Variants in NBEAL1 observed in about 807,000 individuals in gnomAD.
NBEAL1 encodes the protein neurobeachin like 1.
NBEAL1 carries 273 observed loss-of-function variants against 351.3 expected under a neutral mutation model. That is an observed-to-expected ratio of 0.78 (90% CI 0.70 to 0.86). The LOEUF (loss-of-function observed/expected upper bound fraction) is 0.86. NBEAL1 is among the 40% of genes least tolerant of loss of function. The probability of loss-of-function intolerance (pLI) is 0.00; values close to 1 mark genes in which losing one functional copy is unlikely to be tolerated. For missense variants in NBEAL1, 2,961 were observed against 3,201.3 expected (o/e 0.92, Z 1.81); for synonymous variants, 1,050 against 1,086.4 (o/e 0.97, Z 0.66).
At chr2:203,128,040 A>G in intron 24 of NBEAL1, 103 bp downstream of exon 24, 1 of 866,742 alleles carries the variant, frequency 1.2e-6, no homozygotes, top group East Asian at 2.8e-5. Context: ...TGAGAGTAAA[A>G]TATGTGTAGT....
intron 10 of NBEAL1, among the ~76,000 whole-genome samples, chr2:203,093,230 TAAAAAAAAAAAA>T (rs139917037): frequency 2.0e-5 from 1 of 49,856 alleles, no homozygotes; most frequent in East Asian, 7.7e-4. Context: ...AGACTCTGTC[TAAAAAAAAAAAA>T]AAAAAAAAAA....
At chr2:203,032,131 G>A (rs1015127487) in intron 2 of NBEAL1, among the ~76,000 whole-genome samples, 4 of 152,288 alleles carry the variant, frequency 2.6e-5, no homozygotes, top group African/African-American at 9.6e-5. Flanking sequence ...TACCATATGA[G>A]TGAGCTTTTA....
At chr2:203,161,118 G>A (rs779477786) in intron 36 of NBEAL1, among the ~76,000 whole-genome samples, 1 of 152,104 alleles carries the variant, frequency 6.6e-6, no homozygotes, top group Non-Finnish European at 1.5e-5. Context: ...ACGAGGTCAA[G>A]AGATTGATAT....
intron 42 of NBEAL1, among the ~76,000 whole-genome samples, chr2:203,176,168 C>A (rs1380400224): frequency 7.0e-6 from 1 of 142,130 alleles, no homozygotes; most frequent in East Asian, 2.2e-4. Flanking sequence ...TACTTTATTG[C>A]ATCTTTTTTT....
intron 35 of NBEAL1, among the ~76,000 whole-genome samples, chr2:203,157,202 A>T (rs1279304421): frequency 2.6e-5 from 4 of 152,148 alleles, no homozygotes; most frequent in Admixed American, 1.3e-4. Flanking sequence ...TATTGCATAT[A>T]ATTGCCTCGG....
intron 8 of NBEAL1, among the ~76,000 whole-genome samples, chr2:203,080,724 T>G (rs1025786743): frequency 2.6e-5 from 4 of 152,144 alleles, no homozygotes; most frequent in Non-Finnish European, 2.9e-5. Context: ...AAGAGTCTCC[T>G]TGTAGTGAGA....
intron 3 of NBEAL1, among the ~76,000 whole-genome samples, chr2:203,044,755 A>G (rs1016156831): frequency 2.6e-5 from 4 of 152,244 alleles, no homozygotes; most frequent in African/African-American, 9.6e-5. Flanking sequence ...CTTGAAGATA[A>G]GGGACATATG....
rs1175263143 is a variant in NBEAL1 at position 203,191,451 on chromosome 2, G to A, written c.6921+1062G>A. 4 of 481,818 alleles carry A rather than the reference G, an allele frequency of 8.3e-6. No homozygotes were observed. In the East Asian group the frequency reaches 1.0e-4, roughly 12 times the overall value. The allele number at this position is 481,818 out of a possible 1,614,324, so 29.8% of individuals were successfully genotyped here. On this transcript the variant is annotated intron_variant, in intron 46 of 55. Coordinates refer to ENST00000683969, the MANE Select transcript of NBEAL1 (RefSeq NM_001378026.1). ...ATCATTATCTTCCTGATGACACACA[G>A]GTTTAGATTAATGGAAATTAATCTA... is the stretch of plus-strand genomic sequence containing the variant.
intron 54 of NBEAL1, among the ~76,000 whole-genome samples, chr2:203,212,985 TTATTTC>T (rs2065828149): frequency 6.6e-6 from 1 of 152,180 alleles, no homozygotes; most frequent in South Asian, 2.1e-4. Flanking sequence ...TATAGGAACT[TTATTTC>T]TATCTGTTTT....
chr2:203,189,894 G>A (rs1450929270), intron 45 of NBEAL1, among the ~76,000 whole-genome samples: 1 of 151,712 alleles, frequency 6.6e-6, no homozygotes, highest in Non-Finnish European at 1.5e-5. Context: ...CCAGCACTTT[G>A]GGAGGCTGGG....
At chr2:203,057,519 G>A (rs2106095526) in intron 6 of NBEAL1, 66 bp downstream of exon 6, 2 of 1,378,070 alleles carry the variant, frequency 1.5e-6, no homozygotes, top group Non-Finnish European at 2.0e-6. Flanking sequence ...ATTCTTCAAA[G>A]CAGGTCTTCT....
chr2:203,153,617 A>G (rs746199680), intron 35 of NBEAL1, among the ~76,000 whole-genome samples: 1 of 152,172 alleles, frequency 6.6e-6, no homozygotes, highest in African/African-American at 2.4e-5. Context: ...TATAAACACT[A>G]ACTTTGAGTG....
intron 5 of NBEAL1, among the ~76,000 whole-genome samples, 174 bp downstream of exon 5, chr2:203,056,682 T>A (rs1015683817): frequency 6.6e-6 from 1 of 152,210 alleles, no homozygotes; most frequent in Admixed American, 6.5e-5. Flanking sequence ...TTCTCCTGCC[T>A]CAGCCTCCCA....
chr2:203,157,624 G>T (rs2063830638), intron 35 of NBEAL1, 75 bp from the exon 36 acceptor site: 1 of 1,090,266 alleles, frequency 9.2e-7, no homozygotes, highest in Admixed American at 2.8e-5. Context: ...AACACAATTA[G>T]CAGTCAGAAA....
At chr2:203,090,893 A>C (rs1427427172) in intron 10 of NBEAL1, among the ~76,000 whole-genome samples, 1 of 152,074 alleles carries the variant, frequency 6.6e-6, no homozygotes, top group African/African-American at 2.4e-5. Context: ...TGTCTTAAGA[A>C]AAGAAAAGAA....
At chr2:203,098,483 T>G (rs1451916813) in intron 11 of NBEAL1, among the ~76,000 whole-genome samples, 1 of 152,184 alleles carries the variant, frequency 6.6e-6, no homozygotes, top group East Asian at 1.9e-4. Flanking sequence ...ATTATTATAG[T>G]CTCTTAGAGG....
intron 12 of NBEAL1, among the ~76,000 whole-genome samples, chr2:203,105,268 G>A (rs796107789): frequency 1.2e-4 from 18 of 151,766 alleles, no homozygotes; most frequent in South Asian, 2.1e-4. Context: ...CGAGACCATC[G>A]TGGCTAACAC....
intron 34 of NBEAL1, among the ~76,000 whole-genome samples, chr2:203,149,476 A>G (rs1003605231): frequency 6.6e-6 from 1 of 152,084 alleles, no homozygotes; most frequent in African/African-American, 2.4e-5. Flanking sequence ...GTATGTTTGA[A>G]TATTTTACAA....
rs1483226345 is a variant in NBEAL1, at chr2:203,128,386, G to A, written c.3405+449G>A. On this transcript the variant is annotated intron_variant, in intron 24 of 55. Coordinates refer to ENST00000683969, the MANE Select transcript of NBEAL1 (RefSeq NM_001378026.1). ...GGCTCCCAAAGTGCTAGGATTACAG[G>A]CGTGAGCCACCACGCCAGGCCAGAA... is the stretch of plus-strand genomic sequence containing the variant. Among the ~76,000 whole-genome samples the A allele has an allele frequency of 2.6e-5, 4 of 151,218 alleles. No homozygotes were observed. The East Asian group carries it at 7.8e-4, about 29-fold the overall frequency.
Sources: gnomAD v4.1 joint callset for allele counts (sites outside exome capture counted in the v4.1 genomes callset) on GRCh38, gnomAD v4.1.1 for gene constraint, MANE v1.5 for transcripts, NCBI Gene and HGNC (gene_info 2026-07-23, HGNC 2026-07-21) for gene names.